The following LRRC72 variants were observed in gnomAD, a reference collection of about 807,000 sequenced individuals.
LRRC72 encodes leucine-rich repeat-containing protein 72.
In LRRC72, 41 loss-of-function variants were observed where a neutral mutation model predicts 35.8. That is an observed-to-expected ratio of 1.15 (90% CI 0.89 to 1.49). The LOEUF (loss-of-function observed/expected upper bound fraction) is 1.49. LRRC72 is among the 40% of genes most tolerant of loss of function. LRRC72 has a pLI of 0.00. For synonymous variants in LRRC72, 118 were observed against 119.2 expected, an observed-to-expected ratio of 0.99 and a Z score of 0.07; for missense variants, 389 against 330.7, an observed-to-expected ratio of 1.18 and a Z score of -1.37.
intron 2 of LRRC72, among the ~76,000 whole-genome samples, chr7:16,535,502 T>G (rs1782238520): frequency 6.6e-6 from 1 of 152,198 alleles, no homozygotes; most frequent in South Asian, 2.1e-4. Flanking sequence ...CCAAATCTAT[T>G]GGCTCAGGTA....
intron 3 of LRRC72, among the ~76,000 whole-genome samples, chr7:16,554,806 G>T (rs1223046812): frequency 6.6e-6 from 1 of 152,176 alleles, no homozygotes; most frequent in African/African-American, 2.4e-5. Context: ...CTATAATCAA[G>T]GTCAAACTGT....
At chr7:16,563,773 G>C (rs1412987350) in intron 5 of LRRC72, among the ~76,000 whole-genome samples, 4 of 152,172 alleles carry the variant, frequency 2.6e-5, no homozygotes, top group Non-Finnish European at 5.9e-5. Context: ...ATGATGAAAT[G>C]CCTGTCAAGT....
chr7:16,532,091 C>T (rs1258752235), intron 1 of LRRC72, among the ~76,000 whole-genome samples: 1 of 152,174 alleles, frequency 6.6e-6, no homozygotes, highest in African/African-American at 2.4e-5. Flanking sequence ...CTCTCTCCAC[C>T]TCCAACCCTG....
chr7:16,578,483 C>T lies in LRRC72; in HGVS notation c.671-1591C>T, dbSNP rs1180097259. ...CCAGCCTGGGCAACAGAGTGAGACT[C>T]CATCTCAAACAAAAACAAAACGAAA... On this transcript the variant is annotated intron_variant, in intron 7 of 8. Transcript: ENST00000401542. Among the ~76,000 whole-genome samples the T allele has an allele frequency of 2.0e-5, 3 of 152,240 alleles. No homozygotes were observed. In the East Asian group the frequency reaches 5.8e-4, roughly 29 times the overall value.
chr7:16,551,679 CG>C (rs1782551957), intron 3 of LRRC72, among the ~76,000 whole-genome samples: 2 of 151,968 alleles, frequency 1.3e-5, no homozygotes, highest in Admixed American at 6.6e-5. Context: ...GGGTGGTACC[CG>C]GGGGGAGGGC....
chr7:16,526,927 G>C lies in LRRC72; in HGVS notation c.-26G>C. ...GGCGGGCGAGGCCGGATTAATCACC[G>C]CTGCTTCGGCCGCCCATGTGTCCTG... On this transcript the variant is annotated 5_prime_UTR_variant, in exon 1 of 9. Transcript: ENST00000401542. 1 of 1,531,240 alleles carries C rather than the reference G, an allele frequency of 6.5e-7. No homozygotes were observed. Among genetic ancestry groups the C allele is most frequent in the African/African-American group, 1.4e-5 (1 of 72,972 alleles). 94.9% of individuals were successfully genotyped at this position (1,531,240 alleles called of 1,614,324 possible).
intron 7 of LRRC72, among the ~76,000 whole-genome samples, chr7:16,571,710 A>T (rs1782948806): frequency 6.6e-6 from 1 of 152,162 alleles, no homozygotes; most frequent in African/African-American, 2.4e-5. Context: ...AGACTAGGAC[A>T]TTCCCTTGGG....
At chr7:16,563,889 A>C (rs953295206) in intron 5 of LRRC72, among the ~76,000 whole-genome samples, 1 of 152,236 alleles carries the variant, frequency 6.6e-6, no homozygotes, top group Non-Finnish European at 1.5e-5. Context: ...ATGAATGGTC[A>C]ACCACAAGTC....
chr7:16,549,874 A>G (rs1331450500), intron 3 of LRRC72, among the ~76,000 whole-genome samples: 1 of 134,544 alleles, frequency 7.4e-6, no homozygotes, highest in African/African-American at 2.7e-5. Flanking sequence ...AAAAGGAAAT[A>G]TATCTGCATT....
intron 3 of LRRC72, among the ~76,000 whole-genome samples, chr7:16,554,371 G>A (rs546817123): frequency 1.9e-4 from 29 of 152,208 alleles, no homozygotes; most frequent in Non-Finnish European, 4.0e-4. Context: ...TTTAATAATA[G>A]CTGAGTATCA....
At chr7:16,558,220 A>C (rs1304798519) in intron 4 of LRRC72, among the ~76,000 whole-genome samples, 2 of 152,222 alleles carry the variant, frequency 1.3e-5, no homozygotes, top group Non-Finnish European at 2.9e-5. Context: ...AGTAGCATTG[A>C]CAAGGAAAAA....
In LRRC72 at chr7:16,542,590, G is replaced by A. The variant is rs575773984; in HGVS notation, c.234+4894G>A. Reference sequence around the variant, plus strand: ...CCTGAAGGAGGCTTCCAGGTCATGGGTAGATAAAAGACAAATGGCTGCATT... The same window carrying A: ...CCTGAAGGAGGCTTCCAGGTCATGGATAGATAAAAGACAAATGGCTGCATT... On this transcript the variant is annotated intron_variant, in intron 3 of 8. Coordinates refer to ENST00000401542, the MANE Select transcript of LRRC72 (RefSeq NM_001195280.2). Among the ~76,000 whole-genome samples, 6 of 152,232 alleles carry A rather than the reference G, an allele frequency of 3.9e-5. No individual in the cohort carries two copies. In the South Asian group the frequency reaches 1.0e-3, roughly 26 times the overall value.
chr7:16,558,770 A>AGC, intron 4 of LRRC72, 119 bp from the exon 5 acceptor site: 1 of 398,160 alleles, frequency 2.5e-6, no homozygotes, highest in Non-Finnish European at 4.4e-6. Context: ...CAGCTATCAT[A>AGC]TGTTTTCCTT....
chr7:16,533,132 AG>A (rs1782196868), intron 2 of LRRC72, among the ~76,000 whole-genome samples: 1 of 152,148 alleles, frequency 6.6e-6, no homozygotes, highest in Admixed American at 6.5e-5. Flanking sequence ...AATGAGTATT[AG>A]TATGGTTAAC....
chr7:16,563,287 T>TC (rs1782773854), intron 5 of LRRC72, among the ~76,000 whole-genome samples: 1 of 152,166 alleles, frequency 6.6e-6, no homozygotes, highest in Non-Finnish European at 1.5e-5. Context: ...CTTTTTTTTT[T>TC]CCTCTTCTGT....
At chr7:16,565,573 GT>G (rs1296107742) in intron 5 of LRRC72, among the ~76,000 whole-genome samples, 1 of 152,190 alleles carries the variant, frequency 6.6e-6, no homozygotes, top group Non-Finnish European at 1.5e-5. Context: ...AGTTGAGGAT[GT>G]TTAAAAACAT....
At chr7:16,546,480 G>A (rs866825663) in intron 3 of LRRC72, among the ~76,000 whole-genome samples, 23 of 151,890 alleles carry the variant, frequency 1.5e-4, no homozygotes, top group African/African-American at 5.6e-4. Context: ...AATGCTCCCT[G>A]GGGGGCAAAA....
At chr7:16,560,705 C>A (rs1489436852) in intron 5 of LRRC72, among the ~76,000 whole-genome samples, 1 of 149,906 alleles carries the variant, frequency 6.7e-6, no homozygotes, top group South Asian at 2.1e-4. Flanking sequence ...TTTAAGAAAA[C>A]GTTTCTCACC....
intron 3 of LRRC72, among the ~76,000 whole-genome samples, chr7:16,552,510 C>A (rs1016576505): frequency 5.9e-5 from 9 of 152,186 alleles, no homozygotes; most frequent in Non-Finnish European, 1.5e-5. Context: ...AGAACAAGTG[C>A]AGTTACTTGT....
Sources: gnomAD v4.1 joint callset for allele counts (sites outside exome capture counted in the v4.1 genomes callset) on GRCh38, gnomAD v4.1.1 for gene constraint, MANE v1.5 for transcripts, NCBI Gene and HGNC (gene_info 2026-07-23, HGNC 2026-07-21) for gene names.